PHF24: variants seen among roughly 807,000 people sequenced by gnomAD.
PHF24 encodes PHD finger protein 24.
A neutral mutation model predicts 42.6 loss-of-function variants in PHF24; 25 were observed. The ratio of observed to expected loss-of-function variants is 0.59; its 90% CI spans 0.43 to 0.82. The LOEUF (loss-of-function observed/expected upper bound fraction) is 0.82. PHF24 is among the 40% of genes least tolerant of loss of function. The pLI is 0.00. For missense variants in PHF24, 470 were observed against 538.1 expected, an observed-to-expected ratio of 0.87 and a Z score of 1.25; for synonymous variants, 185 against 204.8, an observed-to-expected ratio of 0.90 and a Z score of 0.83.
At chr9:34,891,767 A>G in the PHF24 span, among the ~76,000 whole-genome samples, 1 of 152,186 alleles carries the variant, frequency 6.6e-6, no homozygotes, top group African/African-American at 2.4e-5. Flanking sequence ...AAAGGCTGCA[A>G]CATGTCTCAG....
At chr9:34,914,045 C>A in the PHF24 span, among the ~76,000 whole-genome samples, 1 of 152,158 alleles carries the variant, frequency 6.6e-6, no homozygotes, top group Non-Finnish European at 1.5e-5. Flanking sequence ...AGTCACTTCA[C>A]AGATATTTAG....
the PHF24 span, among the ~76,000 whole-genome samples, chr9:34,667,833 C>T: frequency 6.6e-6 from 1 of 152,052 alleles, no homozygotes; most frequent in African/African-American, 2.4e-5. Flanking sequence ...CCTGAAAGGC[C>T]CTGGTGTGAG....
At chr9:34,879,944 C>A in the PHF24 span, among the ~76,000 whole-genome samples, 1 of 152,074 alleles carries the variant, frequency 6.6e-6, no homozygotes, top group Admixed American at 6.5e-5. Flanking sequence ...TAAGGGTAGC[C>A]AGAGAGAAAG....
the PHF24 span, among the ~76,000 whole-genome samples, chr9:34,742,859 T>C: frequency 6.6e-6 from 1 of 152,250 alleles, no homozygotes; most frequent in African/African-American, 2.4e-5. Flanking sequence ...TCATGCTTCA[T>C]GAACATGTAG....
chr9:34,783,210 C>A, the PHF24 span, among the ~76,000 whole-genome samples: 8 of 152,158 alleles, frequency 5.3e-5, no homozygotes, highest in Non-Finnish European at 8.8e-5. Context: ...ATGCTTCAAC[C>A]AGGACCACCA....
chr9:34,738,332 A>T, the PHF24 span, among the ~76,000 whole-genome samples: 2 of 152,032 alleles, frequency 1.3e-5, no homozygotes, highest in Non-Finnish European at 2.9e-5. Context: ...CAGAGTCCCA[A>T]TTTTTAGACT....
the PHF24 span, chr9:34,689,897 G>T: frequency 6.2e-7 from 1 of 1,614,072 alleles, no homozygotes; most frequent in Non-Finnish European, 8.5e-7. This position sits in a 1 kb window ranked among gnomAD's most constrained non-coding sequence, Gnocchi z 4.1. Flanking sequence ...GAGCTCAGAG[G>T]GAGGAGACAG....
the PHF24 span, among the ~76,000 whole-genome samples, chr9:34,773,053 C>T: frequency 3.3e-5 from 5 of 151,178 alleles, no homozygotes; most frequent in Non-Finnish European, 7.4e-5. Flanking sequence ...TGCAACGGCG[C>T]GATCTCGGCT....
the PHF24 span, among the ~76,000 whole-genome samples, chr9:34,749,975 A>G: frequency 1.3e-5 from 2 of 152,158 alleles, no homozygotes; most frequent in African/African-American, 4.8e-5. Context: ...CTAGAATAGT[A>G]TATCTAGCAA....
At chr9:34,833,411 T>C in the PHF24 span, 5 of 1,551,094 alleles carry the variant, frequency 3.2e-6, no homozygotes, top group Admixed American at 2.0e-5. Context: ...ATTGGCCAGC[T>C]GTTCTTTAAG....
the PHF24 span, among the ~76,000 whole-genome samples, chr9:34,718,157 AG>A: frequency 2.3e-3 from 347 of 152,262 alleles, no homozygotes; most frequent in Non-Finnish European, 4.0e-3. Context: ...TGGCCTTTGT[AG>A]CAGGCCTGAC....
At chr9:34,902,026 G>C in the PHF24 span, among the ~76,000 whole-genome samples, 1 of 152,050 alleles carries the variant, frequency 6.6e-6, no homozygotes, top group Non-Finnish European at 1.5e-5. Context: ...CTAGTAAAAA[G>C]ATAATTAAAA....
At chr9:34,665,675 C>T in the PHF24 span, 12 of 701,050 alleles carry the variant, frequency 1.7e-5, no homozygotes, top group East Asian at 3.2e-4. Context: ...GGGCTCCGAA[C>T]GTCTCCTGGG....
At chr9:34,978,105 A>G in exon 8 of PHF24, 3 of 1,613,110 alleles carry the variant, frequency 1.9e-6, no homozygotes, top group Non-Finnish European at 2.5e-6. Flanking sequence ...TGAAGCCCCC[A>G]GGATAGCATG....
chr9:34,709,131 T>C, the PHF24 span: 1 of 571,650 alleles, frequency 1.7e-6, no homozygotes, highest in Non-Finnish European at 3.1e-6. Context: ...AAGGGGACAG[T>C]CCTGCTGCCT....
At chr9:34,683,855 C>G in the PHF24 span, among the ~76,000 whole-genome samples, 1 of 152,148 alleles carries the variant, frequency 6.6e-6, no homozygotes, top group Non-Finnish European at 1.5e-5. Context: ...AGATCAGGGT[C>G]ATCTAAAACA....
the PHF24 span, among the ~76,000 whole-genome samples, chr9:34,707,988 C>T: frequency 2.0e-5 from 3 of 152,128 alleles, no homozygotes; most frequent in African/African-American, 7.2e-5. Context: ...CCTTGGCCTC[C>T]CAAAGTGCTG....
chr9:34,745,432 G>A, the PHF24 span, among the ~76,000 whole-genome samples: 10 of 151,988 alleles, frequency 6.6e-5, no homozygotes, highest in South Asian at 2.1e-4. Context: ...TGAAAAAAGC[G>A]GTGGGGAAAG....
chr9:34,978,201 TCA>T, exon 8 of PHF24: 1 of 1,021,136 alleles, frequency 9.8e-7, no homozygotes, highest in Non-Finnish European at 1.5e-6. Context: ...GCACAGAGAC[TCA>T]TGGGGTTGGG....
Sources: gnomAD v4.1 joint callset for allele counts (sites outside exome capture counted in the v4.1 genomes callset) on GRCh38, gnomAD v4.1.1 for gene constraint, Gnocchi (gnomAD v3.1) non-coding constraint, MANE v1.5 for transcripts, NCBI Gene and HGNC (gene_info 2026-07-23, HGNC 2026-07-21) for gene names.